The following KSR2 variants were observed in gnomAD, a reference collection of about 807,000 sequenced individuals.
KSR2 encodes kinase suppressor of ras 2.
In KSR2, 25 loss-of-function variants were observed where a neutral mutation model predicts 107.8. The ratio of observed to expected loss-of-function variants is 0.23; its 90% confidence interval spans 0.17 to 0.32. The LOEUF (loss-of-function observed/expected upper bound fraction) is 0.32, where lower values mean the gene tolerates loss of function less well. KSR2 is among the 10% of genes least tolerant of loss of function. KSR2 has a pLI of 1.00. For missense variants in KSR2, 887 were observed against 1,268.9 expected (o/e 0.70, Z 4.57); for synonymous variants, 480 against 507.0 (o/e 0.95, Z 0.71).
chr12:117,712,179 T>C (rs1054541963), intron 4 of KSR2, among the ~76,000 whole-genome samples: 1 of 152,192 alleles, frequency 6.6e-6, no homozygotes, highest in Non-Finnish European at 1.5e-5. Context: ...AAACCCAAGG[T>C]GTGGCCTCAT....
intron 3 of KSR2, among the ~76,000 whole-genome samples, chr12:117,798,735 A>ATATATATCTC (rs10667993): frequency 7.0e-6 from 1 of 142,498 alleles, no homozygotes; most frequent in Non-Finnish European, 1.5e-5. Context: ...ATATATATAT[A>ATATATATCTC]TCAACCCAAA....
intron 5 of KSR2, among the ~76,000 whole-genome samples, chr12:117,635,024 T>G (rs1488181466): frequency 6.6e-6 from 1 of 152,212 alleles, no homozygotes; most frequent in African/African-American, 2.4e-5. Flanking sequence ...TGGAGGCTGC[T>G]GTTCCAGCCA....
At chr12:117,806,453 T>G (rs1466201975) in intron 3 of KSR2, among the ~76,000 whole-genome samples, 1 of 152,192 alleles carries the variant, frequency 6.6e-6, no homozygotes, top group African/African-American at 2.4e-5. Flanking sequence ...TAGGGCTCCA[T>G]TTCCCTCTCT....
intron 3 of KSR2, among the ~76,000 whole-genome samples, chr12:117,851,219 G>T (rs1007227295): frequency 4.6e-5 from 7 of 152,180 alleles, no homozygotes; most frequent in Admixed American, 2.0e-4. Flanking sequence ...TTAGCAGCCT[G>T]GGAAGAGTCC....
In KSR2 at chr12:117,560,153, C is replaced by CCAGAAA. The variant is rs1177507830; in HGVS notation, c.1326-1581_1326-1580insTTTCTG. Among the ~76,000 whole-genome samples, 25 of 152,248 alleles carry CCAGAAA rather than the reference C, an allele frequency of 1.6e-4. No homozygotes were observed. The Middle Eastern group carries it at 0.014, about 83-fold the overall frequency. On this transcript the variant is annotated intron_variant, in intron 7 of 19. Coordinates refer to ENST00000339824, the MANE Select transcript of KSR2 (RefSeq NM_173598.6). ...CTCAGACCAGCAGCATAAGCACCAC[C>CCAGAAA]TGGGAACTTTTCTGGGGCCCCCTGG...
chr12:117,470,089 A>G (rs945637361), intron 18 of KSR2, among the ~76,000 whole-genome samples: 2 of 151,660 alleles, frequency 1.3e-5, no homozygotes, highest in African/African-American at 2.4e-5. Context: ...CCATCCACCC[A>G]TATATGATCC....
chr12:117,611,230 T>C (rs1881578405), intron 5 of KSR2, among the ~76,000 whole-genome samples: 1 of 152,106 alleles, frequency 6.6e-6, no homozygotes, highest in East Asian at 1.9e-4. Flanking sequence ...CCTGTGGGCT[T>C]GGGAGTTGTG....
intron 5 of KSR2, among the ~76,000 whole-genome samples, chr12:117,618,746 G>A (rs1352442897): frequency 2.6e-5 from 4 of 151,940 alleles, no homozygotes; most frequent in African/African-American, 7.2e-5. Flanking sequence ...AATGTAAGAC[G>A]TGCCCTTCAC....
intron 5 of KSR2, among the ~76,000 whole-genome samples, chr12:117,632,296 T>C (rs7399212): frequency 0.91 from 134,587 of 147,930 alleles, 61,477 homozygotes; most frequent in East Asian, 0.99. Context: ...GCAATCTTGG[T>C]TCACTGCAAC....
chr12:117,565,611 T>C (rs1030392171), intron 7 of KSR2, among the ~76,000 whole-genome samples: 2 of 152,138 alleles, frequency 1.3e-5, no homozygotes, highest in Admixed American at 1.3e-4. Flanking sequence ...ACAATGAGAA[T>C]AGGAATAATA....
chr12:117,832,866 G>A (rs561309916), intron 3 of KSR2, among the ~76,000 whole-genome samples: 1 of 152,324 alleles, frequency 6.6e-6, no homozygotes, highest in Admixed American at 6.5e-5. Flanking sequence ...GCAGGTGATG[G>A]GTTTACGTCC....
intron 4 of KSR2, among the ~76,000 whole-genome samples, chr12:117,750,120 T>C (rs1430180494): frequency 1.3e-5 from 2 of 151,928 alleles, no homozygotes; most frequent in Non-Finnish European, 2.9e-5. Flanking sequence ...CATGGTGGCA[T>C]GCACCTGTAA....
chr12:117,458,579 T>C lies in KSR2; in HGVS notation c.*8620A>G, dbSNP rs1283415160. 1.3e-5 allele frequency: 2 copies of C among 152,226 alleles called. No homozygotes were observed. The highest frequency in any genetic ancestry group is 2.9e-5 in the Non-Finnish European group (2 of 68,046). The allele number at this position is 152,226 out of a possible 1,614,324, so 9.4% of individuals were successfully genotyped here. A position where few individuals can be genotyped will look rare whatever the true frequency, so the allele number is the denominator to read the frequency against. ...ATTTAAGCTAAATACATGGCAGCTA[T>C]TTTTCATCTCTACAATTGTGCAACT... On this transcript the variant is annotated 3_prime_UTR_variant, in exon 20 of 20. Coordinates refer to ENST00000339824, the MANE Select transcript of KSR2 (RefSeq NM_173598.6).
chr12:117,518,702 C>T (rs1475541308), intron 14 of KSR2, among the ~76,000 whole-genome samples: 19 of 152,220 alleles, frequency 1.2e-4, no homozygotes, highest in Non-Finnish European at 2.9e-5. Context: ...CATTCAAAGC[C>T]TTGCAATTAT....
intron 4 of KSR2, 34 bp downstream of exon 4, chr12:117,760,977 C>T (rs1489198395): frequency 1.4e-5 from 23 of 1,611,092 alleles, no homozygotes; most frequent in Non-Finnish European, 1.9e-5. Context: ...GGCCGGGTTT[C>T]GACCGCCCCA....
rs60499991 is a variant in KSR2, at chr12:117,950,749, A to ATAATAAT, written c.180+17326_180+17327insATTATTA. Among the ~76,000 whole-genome samples, 1,196 of 132,090 alleles carry ATAATAAT rather than the reference A, an allele frequency of 9.1e-3. 18 individuals carry two copies. Among genetic ancestry groups the ATAATAAT allele is most frequent in the African/African-American group, 0.032 (1,097 of 34,218 alleles). The allele number at this position is 132,090 out of a possible 152,430, so 86.7% of individuals were successfully genotyped here. On this transcript the variant is annotated intron_variant, in intron 1 of 19. Transcript: ENST00000339824. Reference sequence around the variant, plus strand: ...GAGCAAGACTCTGTAAAAAAAAAAAAAATAATAATAATAATAATAATGATA... The same window carrying ATAATAAT: ...GAGCAAGACTCTGTAAAAAAAAAAAATAATAATAATAATAATAATAATAATAATGATA...
At chr12:117,506,668 G>T (rs1873699170) in intron 14 of KSR2, among the ~76,000 whole-genome samples, 1 of 152,162 alleles carries the variant, frequency 6.6e-6, no homozygotes, top group Non-Finnish European at 1.5e-5. Context: ...AAGTCTATAG[G>T]ATTCCAGAGT....
At chr12:117,517,910 T>C (rs1874482061) in intron 14 of KSR2, 3 of 455,210 alleles carry the variant, frequency 6.6e-6, no homozygotes, top group Non-Finnish European at 8.8e-6. Context: ...AAAAAGCAAG[T>C]TGATGGAGTT....
chr12:117,679,009 A>G (rs1254069121), intron 4 of KSR2, among the ~76,000 whole-genome samples: 1 of 152,060 alleles, frequency 6.6e-6, no homozygotes, highest in East Asian at 1.9e-4. Context: ...ATGAATTCGT[A>G]TTGTCTCTAG....
Sources: gnomAD v4.1 joint callset for allele counts (sites outside exome capture counted in the v4.1 genomes callset) on GRCh38, gnomAD v4.1.1 for gene constraint, MANE v1.5 for transcripts, NCBI Gene and HGNC (gene_info 2026-07-23, HGNC 2026-07-21) for gene names.